VPS36: variants seen among roughly 807,000 people sequenced by gnomAD.
VPS36 encodes the protein vacuolar protein-sorting-associated protein 36.
VPS36 carries 31 observed loss-of-function variants against 63.5 expected under a neutral mutation model. That is an observed-to-expected ratio of 0.49 (90% CI 0.37 to 0.66). VPS36 has a LOEUF of 0.66. Ranked by LOEUF, VPS36 falls within the 30% of genes least tolerant of loss-of-function variation. The probability of loss-of-function intolerance (pLI) is 0.00; values close to 1 mark genes in which losing one functional copy is unlikely to be tolerated. For synonymous variants in VPS36, 138 were observed against 157.2 expected (o/e 0.88, Z 0.91); for missense variants, 338 against 463.7 (o/e 0.73, Z 2.49).
Position 52,435,277 on chromosome 13 carries a change from C to T in VPS36, c.352-395G>A, listed in dbSNP as rs543584218. On this transcript the variant is annotated intron_variant, in intron 4 of 13. Transcript: ENST00000378060. The stretch of plus-strand genomic sequence containing the variant: ...TGAGCCACCGCGCCCGGCCACTTAA[C>T]ATTTCTTCAGTATAAAAGTCTGTTC... 1.8e-4 allele frequency among the ~76,000 whole-genome samples: 27 copies of T among 152,034 alleles called. No individual in the cohort carries two copies. In the South Asian group the frequency reaches 5.2e-3, roughly 29 times the overall value.
In VPS36 at chr13:52,434,844, T is replaced by C. The variant is rs1369243160; in HGVS notation, c.390A>G (p.Arg130=). ...ACTGGGAAACTGGCATATTCTCCCA[T>C]CTTCTTTGTGTCATTTCCTCTGATA... ...RRLSEEMTQR[R]WENMPVSQSL... is the part of the protein sequence containing the mutation. The change falls in exon 5 of 14, where the codon AGA becomes AGG. Residue 130 remains arginine (R), a synonymous_variant. Coordinates refer to ENST00000378060, the MANE Select transcript of VPS36 (RefSeq NM_016075.4). The C allele has an allele frequency of 5.0e-6, 8 of 1,614,090 alleles. No homozygotes were observed. Among genetic ancestry groups the C allele is most frequent in the Non-Finnish European group, 6.8e-6 (8 of 1,179,996 alleles).
In VPS36 at chr13:52,436,470, A is replaced by G. The variant is rs1261834639; in HGVS notation, c.237-66T>C. 3.6e-6 allele frequency: 4 copies of G among 1,112,540 alleles called. No homozygotes were observed. In the African/African-American group the frequency reaches 6.3e-5, roughly 17 times the overall value. The allele number at this position is 1,112,540 out of a possible 1,614,324, so 68.9% of individuals were successfully genotyped here. Reference sequence around the variant, plus strand: ...AAAAAATATAACTAATTCTACTTTTATAACTTTTTATGTATTTCAAATCAC... The same window carrying G: ...AAAAAATATAACTAATTCTACTTTTGTAACTTTTTATGTATTTCAAATCAC... On this transcript the variant is annotated intron_variant, in intron 3 of 13. Coordinates refer to ENST00000378060, the MANE Select transcript of VPS36 (RefSeq NM_016075.4).
chr13:52,430,445 A>C (rs536911878), intron 6 of VPS36, among the ~76,000 whole-genome samples: 7 of 152,266 alleles, frequency 4.6e-5, no homozygotes, highest in African/African-American at 1.7e-4. Context: ...AGCCTTGCCA[A>C]TATGGTGAAA....
chr13:52,417,091 T>A lies in VPS36; in HGVS notation c.956A>T (p.Lys319Met), dbSNP rs1040812952. 5 of 1,614,056 alleles carry A rather than the reference T, an allele frequency of 3.1e-6. No individual in the cohort carries two copies. The highest frequency in any genetic ancestry group is 3.4e-6 in the Non-Finnish European group (4 of 1,179,998). Residue 319 changes from lysine (K) to methionine (M), a missense_variant, in exon 12 of 14, where the codon AAG (lysine) becomes ATG (methionine). By Grantham distance (95) the Lys-to-Met change is moderately conservative (BLOSUM62 -1). Coordinates refer to ENST00000378060, the MANE Select transcript of VPS36 (RefSeq NM_016075.4). ...GGCCGAGGCCACCATTTCCTCTTCC[T>A]TGTGAGACTGAAGCTCAATTACCAT... ...GVMVIELQSH[K>M]EEEMVASALE...
intron 8 of VPS36, among the ~76,000 whole-genome samples, chr13:52,426,500 G>C (rs1168879355): frequency 6.6e-6 from 1 of 152,172 alleles, no homozygotes; most frequent in African/African-American, 2.4e-5. Flanking sequence ...CATTGAAATA[G>C]CCTTTAATCC....
At chr13:52,416,936 G>T in intron 12 of VPS36, 121 bp downstream of exon 12, 1 of 753,732 alleles carries the variant, frequency 1.3e-6, no homozygotes, top group South Asian at 2.0e-5. Context: ...TTTTATTTGG[G>T]TGTGTGAATG....
chr13:52,418,800 C>T (rs1172518482), intron 10 of VPS36, among the ~76,000 whole-genome samples: 1 of 152,024 alleles, frequency 6.6e-6, no homozygotes, highest in African/African-American at 2.4e-5. Flanking sequence ...ATTTCAAGTC[C>T]CCAGTCAGCA....
At chr13:52,431,482 G>C (rs146928211) in intron 6 of VPS36, among the ~76,000 whole-genome samples, 1 of 151,958 alleles carries the variant, frequency 6.6e-6, no homozygotes, top group African/African-American at 2.4e-5. Context: ...AAACCAGAGC[G>C]GTCTGGGCGC....
Position 52,423,656 on chromosome 13 carries a change from T to A in VPS36, c.775-17A>T, listed in dbSNP as rs781076842. Reference sequence around the variant, plus strand: ...CCCTCGTTCCTGTTCAAATATGAAATTTTTAAAAAAGTATTATGTTACAAT... The same window carrying A: ...CCCTCGTTCCTGTTCAAATATGAAAATTTTAAAAAAGTATTATGTTACAAT... On this transcript the variant is annotated splice_polypyrimidine_tract_variant and intron_variant, in intron 9 of 13. Coordinates refer to ENST00000378060, the MANE Select transcript of VPS36 (RefSeq NM_016075.4). The A allele has an allele frequency of 1.9e-6, 3 of 1,603,648 alleles. No homozygotes were observed. Among genetic ancestry groups the A allele is most frequent in the Non-Finnish European group, 2.6e-6 (3 of 1,173,828 alleles).
intron 2 of VPS36, among the ~76,000 whole-genome samples, chr13:52,440,045 C>A (rs1958260779): frequency 6.6e-6 from 1 of 150,826 alleles, no homozygotes; most frequent in Non-Finnish European, 1.5e-5. Context: ...GTAGTACAAT[C>A]TAGGCTCACT....
intron 1 of VPS36, among the ~76,000 whole-genome samples, chr13:52,445,159 A>T (rs1360875423): frequency 2.6e-5 from 4 of 152,210 alleles, no homozygotes; most frequent in Non-Finnish European, 5.9e-5. Context: ...TTATGAGTCC[A>T]TGTTTTTCTC....
At chr13:52,419,860 TAGAAAAA>T (rs1439101451) in intron 10 of VPS36, among the ~76,000 whole-genome samples, 1 of 151,700 alleles carries the variant, frequency 6.6e-6, no homozygotes, top group Non-Finnish European at 1.5e-5. Context: ...AGATAGAGAG[TAGAAAAA>T]TGGTCACTAG....
At chr13:52,439,310 A>G (rs1958250144) in intron 2 of VPS36, 142 bp from the exon 3 acceptor site, 1 of 657,070 alleles carries the variant, frequency 1.5e-6, no homozygotes, top group Non-Finnish European at 2.4e-6. Context: ...TACTCCTTAA[A>G]TGAACTTAAG....
intron 6 of VPS36, among the ~76,000 whole-genome samples, chr13:52,432,394 T>C (rs1027909575): frequency 7.2e-5 from 11 of 151,994 alleles, no homozygotes; most frequent in Admixed American, 2.0e-4. Flanking sequence ...CAAACCTAAT[T>C]AGTCATCGTC....
Position 52,434,648 on chromosome 13 carries a change from G to A in VPS36, c.441+145C>T, listed in dbSNP as rs561438654. On this transcript the variant is annotated intron_variant, in intron 5 of 13. Transcript: ENST00000378060. ...AGTGGGATTACAGGCGTGAGCCACC[G>A]CGCCCTACCGAAAATAAATTCTTTA... The A allele has an allele frequency of 2.2e-4, 180 of 802,822 alleles. 1 individual carries two copies. The African/African-American group carries it at 2.8e-3, about 13-fold the overall frequency. The allele number at this position is 802,822 out of a possible 1,614,324, so 49.7% of individuals were successfully genotyped here. A position where few individuals can be genotyped will look rare whatever the true frequency, so the allele number is the denominator to read the frequency against.
chr13:52,447,152 C>T (rs1169331108), intron 1 of VPS36, among the ~76,000 whole-genome samples: 9 of 152,168 alleles, frequency 5.9e-5, no homozygotes, highest in Non-Finnish European at 8.8e-5. Flanking sequence ...GCTGGGATTA[C>T]AGGCATGAGC....
chr13:52,431,541 G>A (rs1958155947), intron 6 of VPS36, among the ~76,000 whole-genome samples: 1 of 151,844 alleles, frequency 6.6e-6, no homozygotes, highest in Non-Finnish European at 1.5e-5. Flanking sequence ...GAGGCAGGCG[G>A]TTCACGAGGT....
intron 1 of VPS36, among the ~76,000 whole-genome samples, chr13:52,446,799 C>T (rs903275848): frequency 1.3e-5 from 2 of 151,108 alleles, no homozygotes; most frequent in Non-Finnish European, 2.9e-5. Context: ...AGGTTTATAA[C>T]TATTATTAAT....
intron 4 of VPS36, 37 bp downstream of exon 4, chr13:52,436,252 CA>C: frequency 7.0e-7 from 1 of 1,419,662 alleles, no homozygotes; most frequent in South Asian, 1.2e-5. Context: ...CACACACACA[CA>C]CCTTTCTAGT....
Sources: gnomAD v4.1 joint callset for allele counts (sites outside exome capture counted in the v4.1 genomes callset) on GRCh38, gnomAD v4.1.1 for gene constraint, MANE v1.5 for transcripts, NCBI Gene and HGNC (gene_info 2026-07-23, HGNC 2026-07-21) for gene names.